The following GLIS3 variants were observed in gnomAD, a reference collection of about 807,000 sequenced individuals.
GLIS3 encodes the protein zinc finger protein GLIS3.
A neutral mutation model predicts 78.6 loss-of-function variants in GLIS3; 53 were observed. That is an observed-to-expected ratio of 0.67 (90% CI 0.54 to 0.85). The LOEUF (loss-of-function observed/expected upper bound fraction) is 0.85. GLIS3 is among the 40% of genes least tolerant of loss of function. GLIS3 has a pLI of 0.00. For synonymous variants in GLIS3, 684 were observed against 509.9 expected, an observed-to-expected ratio of 1.34 and a Z score of -4.60; for missense variants, 1,703 against 1,231.1, an observed-to-expected ratio of 1.38 and a Z score of -5.74.
chr9:4,226,949 C>T (rs142052669), intron 2 of GLIS3, among the ~76,000 whole-genome samples: 2 of 152,298 alleles, frequency 1.3e-5, no homozygotes, highest in African/African-American at 4.8e-5. Context: ...TTAAGAGGTG[C>T]ATAGCTGATC....
the GLIS3 span, among the ~76,000 whole-genome samples, chr9:4,371,997 G>A: frequency 6.6e-6 from 1 of 152,060 alleles, no homozygotes; most frequent in Admixed American, 6.5e-5. Context: ...CCCCCTTCTG[G>A]TCCAGCCTCC....
At chr9:4,222,385 A>G (rs1336580277) in intron 2 of GLIS3, among the ~76,000 whole-genome samples, 1 of 152,222 alleles carries the variant, frequency 6.6e-6, no homozygotes, top group East Asian at 1.9e-4. Flanking sequence ...CCAGAAGGCC[A>G]TATGCTGATT....
At chr9:4,259,430 C>A (rs1417904031) in intron 2 of GLIS3, among the ~76,000 whole-genome samples, 1 of 152,028 alleles carries the variant, frequency 6.6e-6, no homozygotes, top group Non-Finnish European at 1.5e-5. Flanking sequence ...TCAAACTCCT[C>A]ATTTCATAGG....
Position 3,932,457 on chromosome 9 carries a change from C to T in GLIS3, c.1886G>A (p.Cys629Tyr). Residue 629 changes from cysteine to tyrosine, a missense_variant, in exon 6 of 11, where the codon TGT (cysteine) becomes TAT (tyrosine). Coordinates refer to ENST00000381971, the MANE Select transcript of GLIS3 (RefSeq NM_001042413.2). ...RTHLDTKPYACQIPGCTKRYT... is the reference protein window; with the variant it reads ...RTHLDTKPYAYQIPGCTKRYT... ...GCGTTTGGTACATCCTGGAATTTGACAAGCATAAGGTTTCTAAATGAGAAA... is the reference window on the plus strand; with the variant it reads ...GCGTTTGGTACATCCTGGAATTTGATAAGCATAAGGTTTCTAAATGAGAAA... 1 of 1,612,652 alleles carries T rather than the reference C, an allele frequency of 6.2e-7. No individual in the cohort carries two copies. The highest frequency in any genetic ancestry group is 1.3e-5 in the African/African-American group (1 of 74,972).
At chr9:4,260,245 A>G (rs1359401606) in intron 2 of GLIS3, among the ~76,000 whole-genome samples, 1 of 152,170 alleles carries the variant, frequency 6.6e-6, no homozygotes, top group South Asian at 2.1e-4. Flanking sequence ...ATCCTGCCCA[A>G]CATGGTGAAA....
intron 2 of GLIS3, among the ~76,000 whole-genome samples, chr9:4,236,053 C>G (rs1418037175): frequency 1.3e-5 from 2 of 151,942 alleles, no homozygotes; most frequent in African/African-American, 4.8e-5. Flanking sequence ...GTCATTGTTC[C>G]TAGTAAAACA....
At chr9:4,349,787 G>A (rs933380753), upstream of GLIS3, among the ~76,000 whole-genome samples, 2 of 152,072 alleles carry the variant, frequency 1.3e-5, no homozygotes, top group South Asian at 4.1e-4. Flanking sequence ...CAGAAATGAA[G>A]AAGAAACCTA....
intron 2 of GLIS3, among the ~76,000 whole-genome samples, chr9:4,321,209 A>G (rs10974456): frequency 0.34 from 47,872 of 139,744 alleles, 8,985 homozygotes; most frequent in African/African-American, 0.5. Context: ...TCACAAGGTC[A>G]GGAGATCGAG....
chr9:4,412,007 T>C, the GLIS3 span, among the ~76,000 whole-genome samples: 1 of 152,234 alleles, frequency 6.6e-6, no homozygotes, highest in Non-Finnish European at 1.5e-5. Flanking sequence ...GCACACAATC[T>C]TAACATGGAT....
chr9:4,078,195 AT>A (rs1202325054), intron 4 of GLIS3, among the ~76,000 whole-genome samples: 2 of 152,052 alleles, frequency 1.3e-5, no homozygotes, highest in African/African-American at 4.8e-5. Flanking sequence ...TCTTAAAATC[AT>A]TTTTTTCAAT....
At chr9:4,082,444 T>A (rs1267037845) in intron 4 of GLIS3, among the ~76,000 whole-genome samples, 2 of 152,198 alleles carry the variant, frequency 1.3e-5, no homozygotes, top group Admixed American at 6.5e-5. Flanking sequence ...ACATCTTCAT[T>A]TGAAATGGGG....
At chr9:3,897,055 A>C (rs1317956332) in intron 7 of GLIS3, among the ~76,000 whole-genome samples, 1 of 152,228 alleles carries the variant, frequency 6.6e-6, no homozygotes, top group Non-Finnish European at 1.5e-5. Context: ...ACAGACACCA[A>C]GACAAATGTG....
In GLIS3 at chr9:4,274,872, A is replaced by G. The variant is rs10115322; in HGVS notation, c.388+11166T>C. Reference sequence around the variant, plus strand: ...TTCTAACCAGGTCCTGGGGGAGGCTAAAACTGCTGGTCCTCAAATTATACT... The same window carrying G: ...TTCTAACCAGGTCCTGGGGGAGGCTGAAACTGCTGGTCCTCAAATTATACT... On this transcript the variant is annotated intron_variant, in intron 2 of 10. Transcript: ENST00000381971. Among the ~76,000 whole-genome samples the G allele has an allele frequency of 6.7e-3, 1,014 of 152,322 alleles. 19 individuals carry two copies. The highest frequency in any genetic ancestry group is 0.023 in the African/African-American group (957 of 41,562).
At chr9:3,943,836 C>G (rs1172350483) in intron 4 of GLIS3, among the ~76,000 whole-genome samples, 1 of 152,206 alleles carries the variant, frequency 6.6e-6, no homozygotes, top group African/African-American at 2.4e-5. Flanking sequence ...TCCAGATTAT[C>G]TGGAACTACT....
intron 2 of GLIS3, among the ~76,000 whole-genome samples, chr9:4,168,165 C>G (rs947022617): frequency 6.6e-6 from 1 of 152,034 alleles, no homozygotes; most frequent in African/African-American, 2.4e-5. Flanking sequence ...TCTTCTCTCT[C>G]TTCTCTCTCT....
intron 4 of GLIS3, among the ~76,000 whole-genome samples, chr9:4,049,524 T>C (rs1168053119): frequency 6.6e-6 from 1 of 152,170 alleles, no homozygotes; most frequent in Non-Finnish European, 1.5e-5. Context: ...TGTCGTGTAC[T>C]GAGCTATTCG....
chr9:3,928,407 G>T (rs994197962), intron 6 of GLIS3, among the ~76,000 whole-genome samples: 1 of 152,200 alleles, frequency 6.6e-6, no homozygotes, highest in African/African-American at 2.4e-5. Context: ...GCAACTGACA[G>T]AAAAAGTGTG....
Position 4,064,487 on chromosome 9 carries a change from A to G in GLIS3, c.1710+53281T>C, listed in dbSNP as rs923712570. On this transcript the variant is annotated intron_variant, in intron 4 of 10. Transcript: ENST00000381971. ...TGTCTTATTTTCTATGGGGTTCTGC[A>G]ATTTTTATTTCAGAAAATATACCTA... Among the ~76,000 whole-genome samples the G allele has an allele frequency of 8.5e-5, 13 of 152,312 alleles. No individual in the cohort carries two copies. The East Asian group carries it at 1.5e-3, about 18-fold the overall frequency.
intron 7 of GLIS3, among the ~76,000 whole-genome samples, chr9:3,881,274 C>CTT (rs569912217): frequency 6.7e-6 from 1 of 150,356 alleles, no homozygotes; most frequent in African/African-American, 2.4e-5. Context: ...ACACAGCTAA[C>CTT]TTTTTTTTTT....
Sources: allele counts gnomAD v4.1 joint callset (sites outside exome capture counted in the v4.1 genomes callset), GRCh38; gene constraint gnomAD v4.1.1; transcripts MANE v1.5; gene names NCBI Gene and HGNC (gene_info 2026-07-23, HGNC 2026-07-21).